Variants in GABRA3 observed in about 807,000 individuals in gnomAD.
GABRA3 encodes the protein gamma-aminobutyric acid type A receptor subunit alpha3.
A neutral mutation model predicts 30.1 loss-of-function variants in GABRA3; 10 were observed. That is an observed-to-expected ratio of 0.33 (90% CI 0.20 to 0.56). GABRA3 has a LOEUF of 0.56. GABRA3 is among the 20% of genes least tolerant of loss of function. The pLI is 0.89. For missense variants in GABRA3, 233 were observed against 392.0 expected (o/e 0.59, Z 3.42); for synonymous variants, 151 against 146.8 (o/e 1.03, Z -0.21).
chrX:152,192,019 C>T (rs1478109980), intron 8 of GABRA3, among the ~76,000 whole-genome samples: 1 of 112,366 alleles, frequency 8.9e-6, no homozygotes, highest in African/African-American at 3.2e-5. Flanking sequence ...TGGTTATTAG[C>T]AAATGCAGTT....
intron 9 of GABRA3, among the ~76,000 whole-genome samples, chrX:152,182,564 T>TAC (rs1556761825): frequency 2.0e-4 from 6 of 30,492 alleles, no homozygotes; most frequent in African/African-American, 3.8e-4. Flanking sequence ...ACTATATATA[T>TAC]ACTATATATG....
intron 9 of GABRA3, among the ~76,000 whole-genome samples, chrX:152,172,981 C>T (rs759035681): frequency 7.6e-5 from 8 of 105,472 alleles, no homozygotes; most frequent in Non-Finnish European, 1.2e-4. Flanking sequence ...CACACACACA[C>T]ATATATACAC....
chrX:152,388,045 G>T (rs1048970794), intron 1 of GABRA3, among the ~76,000 whole-genome samples: 3 of 111,962 alleles, frequency 2.7e-5, no homozygotes, highest in African/African-American at 6.5e-5. Flanking sequence ...AATTGAATGT[G>T]CATACTAACA....
intron 1 of GABRA3, among the ~76,000 whole-genome samples, chrX:152,378,704 T>C (rs1353128816): frequency 9.0e-6 from 1 of 111,633 alleles, no homozygotes; most frequent in Admixed American, 9.5e-5. Flanking sequence ...CTAAAGGCTC[T>C]GGTGCAAATA....
intron 3 of GABRA3, among the ~76,000 whole-genome samples, chrX:152,338,688 AT>A (rs1411745959): frequency 8.9e-6 from 1 of 112,145 alleles, no homozygotes; most frequent in Non-Finnish European, 1.9e-5. Flanking sequence ...TATTTAATTC[AT>A]TTTGATTTGA....
intron 1 of GABRA3, among the ~76,000 whole-genome samples, chrX:152,385,409 G>A (rs1929272998): frequency 9.0e-6 from 1 of 111,702 alleles, no homozygotes; most frequent in Non-Finnish European, 1.9e-5. Flanking sequence ...TCATACAAAG[G>A]AATACCATAC....
rs753696216 is a variant in GABRA3, at chrX:152,419,892, A to G, written c.-27+31254T>C. On this transcript the variant is annotated intron_variant, in intron 1 of 9. Transcript: ENST00000370314. ...AACTCACACATATACACACACATGC[A>G]TACACATAGTTCCCATCCTGTGTTG... is the stretch of plus-strand genomic sequence containing the variant. 1.5e-4 allele frequency among the ~76,000 whole-genome samples: 17 copies of G among 111,786 alleles called. No homozygotes were observed. In the South Asian group the frequency reaches 2.2e-3, roughly 15 times the overall value.
intron 1 of GABRA3, among the ~76,000 whole-genome samples, chrX:152,382,027 C>T (rs1267423226): frequency 9.0e-6 from 1 of 111,396 alleles, no homozygotes; most frequent in East Asian, 2.8e-4. Flanking sequence ...GCAACCTATC[C>T]ATCTGACAAA....
At chrX:152,398,567 GA>G (rs35970721) in intron 1 of GABRA3, among the ~76,000 whole-genome samples, 74 of 110,306 alleles carry the variant, frequency 6.7e-4, no homozygotes, top group African/African-American at 2.2e-3. Context: ...GAAGGGTATA[GA>G]AAAAAAACTA....
intron 5 of GABRA3, among the ~76,000 whole-genome samples, chrX:152,229,704 T>A: frequency 9.1e-6 from 1 of 110,494 alleles, no homozygotes; most frequent in Non-Finnish European, 1.9e-5. Context: ...GGAAGCTATG[T>A]GGCATAAACT....
chrX:152,379,616 G>C lies in GABRA3; in HGVS notation c.-26-15020C>G, dbSNP rs896412200. On this transcript the variant is annotated intron_variant, in intron 1 of 9. Coordinates refer to ENST00000370314, the MANE Select transcript of GABRA3 (RefSeq NM_000808.4). ...AATATGATGATAAATTTTTGAAATA[G>C]AAAATAACATAATAGATATTTACTA... Among the ~76,000 whole-genome samples the C allele has an allele frequency of 2.7e-5, 3 of 111,325 alleles. No individual in the cohort carries two copies. The East Asian group carries it at 8.5e-4, about 31-fold the overall frequency.
At chrX:152,172,118 C>G (rs1937010990) in intron 9 of GABRA3, among the ~76,000 whole-genome samples, 1 of 111,334 alleles carries the variant, frequency 9.0e-6, no homozygotes, top group South Asian at 3.8e-4. Flanking sequence ...CAACAAAAAC[C>G]CAAACAACTC....
intron 3 of GABRA3, among the ~76,000 whole-genome samples, chrX:152,330,080 C>A (rs964458249): frequency 8.9e-6 from 1 of 111,765 alleles, no homozygotes; most frequent in African/African-American, 3.3e-5. Context: ...TTAATACAAC[C>A]AACAGACACA....
chrX:152,299,610 T>A (rs1353321608), intron 3 of GABRA3, among the ~76,000 whole-genome samples: 1 of 111,796 alleles, frequency 8.9e-6, no homozygotes, highest in Admixed American at 9.5e-5. Flanking sequence ...AACCACTTGA[T>A]AGTAAGAAAA....
In GABRA3 at chrX:152,270,964, C is replaced by CTT. The variant is rs143686229; in HGVS notation, c.330+13702_330+13703dup. ...AATGTTTGGATCTTCCTAGAGACTTCTTTTTTTTTTTTTTGAGAGAAAGCC... is the reference window on the plus strand; with the variant it reads ...AATGTTTGGATCTTCCTAGAGACTTCTTTTTTTTTTTTTTTTGAGAGAAAGCC... On this transcript the variant is annotated intron_variant, in intron 4 of 9. Transcript: ENST00000370314. Among the ~76,000 whole-genome samples, 876 of 97,541 alleles carry CTT rather than the reference C, an allele frequency of 9.0e-3. 10 individuals carry two copies. Among genetic ancestry groups the CTT allele is most frequent in the African/African-American group, 0.029 (785 of 26,680 alleles). 84.7% of individuals were successfully genotyped at this position (97,541 alleles called of 115,157 possible).
chrX:152,303,362 T>G (rs1603237807), intron 3 of GABRA3, among the ~76,000 whole-genome samples: 1 of 111,809 alleles, frequency 8.9e-6, no homozygotes, highest in South Asian at 3.8e-4. Flanking sequence ...TACACTGTTG[T>G]TGGGAGTGTA....
At chrX:152,381,921 G>C (rs1929156233) in intron 1 of GABRA3, among the ~76,000 whole-genome samples, 1 of 111,551 alleles carries the variant, frequency 9.0e-6, no homozygotes, top group South Asian at 3.7e-4. Context: ...TGGTGCCTAT[G>C]CGCCACATTT....
intron 1 of GABRA3, among the ~76,000 whole-genome samples, chrX:152,375,778 A>T (rs950435147): frequency 8.9e-6 from 1 of 112,254 alleles, no homozygotes; most frequent in African/African-American, 3.2e-5. Context: ...TTTGTCATAA[A>T]CCAGTCCTCT....
At chrX:152,210,304 T>TA (rs1464248115) in intron 6 of GABRA3, among the ~76,000 whole-genome samples, 1 of 112,200 alleles carries the variant, frequency 8.9e-6, no homozygotes, top group Non-Finnish European at 1.9e-5. Flanking sequence ...CCATCTTGTT[T>TA]AAAATATAGC....
Sources: gnomAD v4.1 joint callset for allele counts (sites outside exome capture counted in the v4.1 genomes callset) on GRCh38, gnomAD v4.1.1 for gene constraint, MANE v1.5 for transcripts, NCBI Gene and HGNC (gene_info 2026-07-23, HGNC 2026-07-21) for gene names.